Variants in DDAH1 observed in about 807,000 individuals in gnomAD.
The protein encoded by DDAH1 is N(G),N(G)-dimethylarginine dimethylaminohydrolase 1.
A neutral mutation model predicts 28.8 loss-of-function variants in DDAH1; 19 were observed. The observed-to-expected ratio is 0.66, with a 90% CI of 0.46 to 0.97. The LOEUF (loss-of-function observed/expected upper bound fraction) is 0.97, where lower values mean the gene tolerates loss of function less well. Among genes scored for constraint, DDAH1 ranks in the 50% least tolerant of loss-of-function variants. The pLI, the probability that DDAH1 is intolerant of heterozygous loss-of-function variation, is 0.00. For synonymous variants in DDAH1, 153 were observed against 154.4 expected (o/e 0.99, Z 0.07); for missense variants, 326 against 375.9 (o/e 0.87, Z 1.10).
chr1:85,576,964 G>GCCA (rs1553150161), intron 1 of DDAH1: 4 of 153,780 alleles, frequency 2.6e-5, no homozygotes, highest in South Asian at 3.6e-4. Flanking sequence ...AGCCGCCGCC[G>GCCA]CCGCCACCGC....
At chr1:85,462,350 C>A (rs1655159793) in intron 1 of DDAH1, among the ~76,000 whole-genome samples, 1 of 151,976 alleles carries the variant, frequency 6.6e-6, no homozygotes, top group Non-Finnish European at 1.5e-5. Context: ...AGTGGGGGCC[C>A]CTTGAGAATT....
intron 4 of DDAH1, among the ~76,000 whole-genome samples, chr1:85,349,216 T>A (rs765544906): frequency 6.6e-6 from 1 of 152,206 alleles, no homozygotes; most frequent in Non-Finnish European, 1.5e-5. Context: ...ACAAATCAAA[T>A]TCTGAGACAG....
intron 1 of DDAH1, among the ~76,000 whole-genome samples, chr1:85,506,633 C>T (rs765019794): frequency 6.6e-6 from 1 of 152,158 alleles, no homozygotes; most frequent in Non-Finnish European, 1.5e-5. Flanking sequence ...CTAGGTAGAG[C>T]TTAGGCTATG....
At chr1:85,383,488 T>C (rs1651099667) in intron 1 of DDAH1, among the ~76,000 whole-genome samples, 1 of 152,196 alleles carries the variant, frequency 6.6e-6, no homozygotes, top group Non-Finnish European at 1.5e-5. Flanking sequence ...CTGTGAAACA[T>C]TGTTGAAATG....
At chr1:85,546,559 A>G (rs566616723) in intron 1 of DDAH1, among the ~76,000 whole-genome samples, 1 of 152,334 alleles carries the variant, frequency 6.6e-6, no homozygotes, top group East Asian at 1.9e-4. Flanking sequence ...GAAGGCAAAC[A>G]ACACTAACTA....
At chr1:85,506,705 G>C (rs573612515) in intron 1 of DDAH1, among the ~76,000 whole-genome samples, 1 of 152,214 alleles carries the variant, frequency 6.6e-6, no homozygotes, top group Non-Finnish European at 1.5e-5. Flanking sequence ...GCAAAAGTGT[G>C]GATGGCCTTG....
At chr1:85,443,814 TTGTC>T (rs1448341447) in intron 1 of DDAH1, among the ~76,000 whole-genome samples, 1 of 152,206 alleles carries the variant, frequency 6.6e-6, no homozygotes, top group African/African-American at 2.4e-5. Context: ...GGTTCTCTGT[TTGTC>T]TGTTATTGGT....
rs989512848 is a variant in DDAH1 at position 85,465,088 on chromosome 1, C to A, written c.-43G>T. ...GGGCGGCGGCGGCGGCGGAGGCGGCCGGGTCCTGCCGCGGGCAGCGCGCGC... is the reference window on the plus strand; with the variant it reads ...GGGCGGCGGCGGCGGCGGAGGCGGCAGGGTCCTGCCGCGGGCAGCGCGCGC... On this transcript the variant is annotated 5_prime_UTR_variant, in exon 1 of 6. Transcript: ENST00000284031. 12 of 1,205,596 alleles carry A rather than the reference C, an allele frequency of 1.0e-5. No homozygotes were observed. The highest frequency in any genetic ancestry group is 1.2e-5 in the Non-Finnish European group (12 of 972,372). 74.7% of individuals were successfully genotyped at this position (1,205,596 alleles called of 1,614,324 possible).
intron 1 of DDAH1, among the ~76,000 whole-genome samples, chr1:85,427,942 A>G (rs1023354630): frequency 6.6e-6 from 1 of 152,174 alleles, no homozygotes; most frequent in African/African-American, 2.4e-5. Context: ...AACACAGGTG[A>G]GAGAAGTATA....
intron 1 of DDAH1, among the ~76,000 whole-genome samples, chr1:85,519,407 A>G (rs1657595594): frequency 6.6e-6 from 1 of 152,238 alleles, no homozygotes; most frequent in Non-Finnish European, 1.5e-5. Flanking sequence ...AAAACGGATG[A>G]ATATCAACAG....
rs186488776 is a variant in DDAH1 at position 85,416,357 on chromosome 1, G to A, written c.303+48386C>T. 1.8e-4 allele frequency among the ~76,000 whole-genome samples: 27 copies of A among 152,052 alleles called. No homozygotes were observed. In the East Asian group the frequency reaches 4.7e-3, roughly 26 times the overall value. Reference sequence around the variant, plus strand: ...ACTACAGGCATCCACCATGACACCGGCTAAATTTTGTATTTTTAGTAGAGA... The same window carrying A: ...ACTACAGGCATCCACCATGACACCGACTAAATTTTGTATTTTTAGTAGAGA... On this transcript the variant is annotated intron_variant, in intron 1 of 5. Transcript: ENST00000284031.
At position 85,366,602 on chromosome 1, in the gene DDAH1, T is replaced by C. The variant is rs565022388; in HGVS notation, c.304-7755A>G. Among the ~76,000 whole-genome samples, 5 of 152,262 alleles carry C rather than the reference T, an allele frequency of 3.3e-5. No individual in the cohort carries two copies. In the East Asian group the frequency reaches 9.7e-4, roughly 29 times the overall value. On this transcript the variant is annotated intron_variant, in intron 1 of 5. Coordinates refer to ENST00000284031, the MANE Select transcript of DDAH1 (RefSeq NM_012137.4). The stretch of plus-strand genomic sequence containing the variant: ...TTCATAAATATGACTCTAACTGTAA[T>C]CCTATTTTCCTCCCATAGAATTTAC...
chr1:85,504,675 T>C (rs1362146108), intron 1 of DDAH1, among the ~76,000 whole-genome samples: 1 of 152,130 alleles, frequency 6.6e-6, no homozygotes, highest in African/African-American at 2.4e-5. Context: ...CCTCCTCTTC[T>C]AGATGAAAAA....
intron 1 of DDAH1, among the ~76,000 whole-genome samples, chr1:85,526,367 A>G (rs1450886510): frequency 2.6e-5 from 4 of 152,106 alleles, no homozygotes; most frequent in African/African-American, 4.8e-5. Context: ...TCTGAGTTTC[A>G]TTTCTTTGGC....
At chr1:85,556,814 T>G (rs541079954) in intron 1 of DDAH1, among the ~76,000 whole-genome samples, 2 of 152,338 alleles carry the variant, frequency 1.3e-5, no homozygotes, top group South Asian at 4.1e-4. Flanking sequence ...TATACAGAAT[T>G]TTTTAAAGTA....
At chr1:85,397,723 A>G (rs1414199734) in intron 1 of DDAH1, among the ~76,000 whole-genome samples, 1 of 152,210 alleles carries the variant, frequency 6.6e-6, no homozygotes, top group Non-Finnish European at 1.5e-5. Context: ...CTGAAATGTA[A>G]TATTTGAGAA....
In DDAH1 at chr1:85,536,475, C is replaced by T. The variant is rs1394182274; in HGVS notation, c.-122-40194G>A. The stretch of plus-strand genomic sequence containing the variant: ...GGCTGAGGCAGGAGAATCGCTTGAA[C>T]CCGGGAGGCGAAGGTTGCAGTGAGC... On this transcript the variant is annotated intron_variant, in intron 1 of 6. Transcript: ENST00000426972. Among the ~76,000 whole-genome samples, 11 of 152,232 alleles carry T rather than the reference C, an allele frequency of 7.2e-5. No homozygotes were observed. In the South Asian group the frequency reaches 1.9e-3, roughly 26 times the overall value.
intron 1 of DDAH1, among the ~76,000 whole-genome samples, chr1:85,550,897 G>A (rs2100794561): frequency 6.6e-6 from 1 of 152,318 alleles, no homozygotes; most frequent in South Asian, 2.1e-4. Context: ...ACATAAAGCT[G>A]TTCATGGCAG....
chr1:85,328,081 AT>A (rs1010192195), intron 4 of DDAH1, among the ~76,000 whole-genome samples: 9 of 152,178 alleles, frequency 5.9e-5, no homozygotes, highest in South Asian at 2.1e-4. Context: ...AATACAACTC[AT>A]TATTTTTAAT....
Sources: gnomAD v4.1 joint callset for allele counts (sites outside exome capture counted in the v4.1 genomes callset) on GRCh38, gnomAD v4.1.1 for gene constraint, MANE v1.5 for transcripts, NCBI Gene and HGNC (gene_info 2026-07-23, HGNC 2026-07-21) for gene names.